The following U2AF2 variants were observed in gnomAD, a reference collection of about 807,000 sequenced individuals.
U2AF2 encodes the protein splicing factor U2AF 65 kDa subunit.
A neutral mutation model predicts 52.6 loss-of-function variants in U2AF2; 6 were observed. The ratio of observed to expected loss-of-function variants is 0.11; its 90% CI spans 0.06 to 0.23. The LOEUF (loss-of-function observed/expected upper bound fraction) is 0.23, where lower values mean the gene tolerates loss of function less well. Among genes scored for constraint, U2AF2 ranks in the 10% least tolerant of loss-of-function variants. U2AF2 has a pLI of 1.00. For missense variants in U2AF2, 222 were observed against 677.1 expected, an observed-to-expected ratio of 0.33 and a Z score of 7.46; for synonymous variants, 284 against 258.2, an observed-to-expected ratio of 1.10 and a Z score of -0.96.
At chr19:55,673,195 A>G (rs986550351) in intron 11 of U2AF2, among the ~76,000 whole-genome samples, 6 of 152,218 alleles carry the variant, frequency 3.9e-5, no homozygotes, top group African/African-American at 1.2e-4. Context: ...CTGGGATTAC[A>G]GGCGTGAGCC....
At chr19:55,661,258 C>T in intron 5 of U2AF2, 69 bp downstream of exon 5, 1 of 1,409,152 alleles carries the variant, frequency 7.1e-7, no homozygotes, top group Middle Eastern at 2.3e-4. Flanking sequence ...TCCCTCCATT[C>T]CCTTTCCCCA....
At chr19:55,673,322 C>T (rs1568556825) in intron 11 of U2AF2, among the ~76,000 whole-genome samples, 1 of 146,410 alleles carries the variant, frequency 6.8e-6, no homozygotes, top group East Asian at 2.0e-4. Context: ...CTCACTCCCT[C>T]TTTTTTTTTT....
intron 11 of U2AF2, among the ~76,000 whole-genome samples, chr19:55,673,416 C>T (rs574808840): frequency 6.6e-5 from 10 of 151,484 alleles, no homozygotes; most frequent in Non-Finnish European, 1.3e-4. Flanking sequence ...TTGTATCCTT[C>T]CCTCCCTCCA....
intron 9 of U2AF2, 60 bp from the exon 10 acceptor site, chr19:55,669,023 C>T (rs1465254524): frequency 1.3e-6 from 2 of 1,574,096 alleles, no homozygotes; most frequent in African/African-American, 1.3e-5. Flanking sequence ...AGGTGTCGGG[C>T]TCCTGGTCCC....
chr19:55,657,036 A>G (rs1038295349), intron 1 of U2AF2, among the ~76,000 whole-genome samples: 6 of 152,198 alleles, frequency 3.9e-5, no homozygotes, highest in Admixed American at 6.5e-5. Flanking sequence ...TGTTGTTCAT[A>G]AGCAGAAAAG....
chr19:55,655,931 C>T (rs750617530), intron 1 of U2AF2, among the ~76,000 whole-genome samples: 2 of 152,102 alleles, frequency 1.3e-5, no homozygotes, highest in Non-Finnish European at 2.9e-5. Flanking sequence ...CATTTACAAT[C>T]CCAATCTCAG....
intron 7 of U2AF2, among the ~76,000 whole-genome samples, chr19:55,666,155 T>C (rs1400072986): frequency 6.6e-6 from 1 of 152,188 alleles, no homozygotes; most frequent in Non-Finnish European, 1.5e-5. Flanking sequence ...AACCCAGTGA[T>C]AGTGGCTGCC....
Position 55,669,802 on chromosome 19 carries a change from C to G in U2AF2, c.1293+110C>G, listed in dbSNP as rs536252658. ...CCCTCTCCCCCTCCTCTTCTCCGCG[C>G]GCTCTTTCTTCCTCTCTCTCTCCTC... On this transcript the variant is annotated intron_variant, in intron 11 of 11. Transcript: ENST00000308924. The G allele has an allele frequency of 4.1e-5, 59 of 1,424,738 alleles. No individual in the cohort carries two copies. In the South Asian group the frequency reaches 8.4e-4, roughly 20 times the overall value. The allele number at this position is 1,424,738 out of a possible 1,614,324, so 88.3% of individuals were successfully genotyped here. A position where few individuals can be genotyped will look rare whatever the true frequency, so the allele number is the denominator to read the frequency against.
At chr19:55,669,807 T>A in intron 11 of U2AF2, 115 bp downstream of exon 11, 6 of 1,396,432 alleles carry the variant, frequency 4.3e-6, no homozygotes, top group Non-Finnish European at 5.7e-6. Context: ...CCGCGCGCTC[T>A]TTCTTCCTCT....
At chr19:55,658,643 C>T (rs1983954770) in intron 1 of U2AF2, among the ~76,000 whole-genome samples, 1 of 152,144 alleles carries the variant, frequency 6.6e-6, no homozygotes, top group Admixed American at 6.5e-5. Context: ...CTCCGAGGCC[C>T]TTCTCTTCCC....
At chr19:55,660,008 G>T (rs573204378) in intron 2 of U2AF2, among the ~76,000 whole-genome samples, 169 bp from the exon 3 acceptor site, 3 of 152,114 alleles carry the variant, frequency 2.0e-5, no homozygotes, top group Admixed American at 6.5e-5. Flanking sequence ...TTTCCTGGGG[G>T]TGGGAGTGTT....
intron 7 of U2AF2, among the ~76,000 whole-genome samples, chr19:55,667,866 A>G (rs1483840867): frequency 1.3e-5 from 2 of 150,434 alleles, no homozygotes; most frequent in African/African-American, 4.9e-5. Flanking sequence ...GCTCACTGCA[A>G]CCTCCGCCTC....
At chr19:55,666,113 T>C (rs548112601) in intron 7 of U2AF2, among the ~76,000 whole-genome samples, 18 of 152,172 alleles carry the variant, frequency 1.2e-4, no homozygotes, top group Non-Finnish European at 1.0e-4. Flanking sequence ...CTGAAGGTGA[T>C]GGGGTGCTCT....
At chr19:55,659,058 C>T (rs952597976) in intron 1 of U2AF2, 152 bp from the exon 2 acceptor site, 2 of 1,255,962 alleles carry the variant, frequency 1.6e-6, no homozygotes. Context: ...CTTGTGGACC[C>T]AGGAGGCCTG....
At chr19:55,657,836 C>T (rs1279196329) in intron 1 of U2AF2, among the ~76,000 whole-genome samples, 1 of 152,154 alleles carries the variant, frequency 6.6e-6, no homozygotes, top group East Asian at 1.9e-4. Flanking sequence ...AGCTGTTTGA[C>T]CTTGGTAATT....
chr19:55,664,938 C>T (rs926072730), intron 7 of U2AF2, among the ~76,000 whole-genome samples: 18 of 151,952 alleles, frequency 1.2e-4, no homozygotes, highest in African/African-American at 9.7e-5. Flanking sequence ...GGTTGGTCTC[C>T]GACGCCTGAC....
At position 55,668,464 on chromosome 19, in the gene U2AF2, A is replaced by C; in HGVS notation, c.743-43A>C. On this transcript the variant is annotated intron_variant, in intron 7 of 11. Transcript: ENST00000308924. The surrounding 1 kb of genome is among the most constrained non-coding windows in gnomAD (Gnocchi z 5.5). ...GTAGACTGTCCAGGTTTTGGGAGAT[A>C]ACCTGGTACTGGAATTGAAGTCCTC... The C allele has an allele frequency of 2.7e-4, 411 of 1,526,264 alleles. No individual in the cohort carries two copies. Among genetic ancestry groups the C allele is most frequent in the Non-Finnish European group, 3.3e-4 (376 of 1,128,996 alleles). The allele number at this position is 1,526,264 out of a possible 1,614,324, so 94.5% of individuals were successfully genotyped here. A position where few individuals can be genotyped will look rare whatever the true frequency, so the allele number is the denominator to read the frequency against.
In U2AF2 at chr19:55,655,171, G is replaced by A. The variant is rs893274653; in HGVS notation, c.49+18G>A. On this transcript the variant is annotated intron_variant, in intron 1 of 11. Transcript: ENST00000308924. Reference sequence around the variant, plus strand: ...TAAACAAGGTGAGGGCACCGGGGTCGCGGGGCGGAGGTGTGGGCGGCTCCT... The same window carrying A: ...TAAACAAGGTGAGGGCACCGGGGTCACGGGGCGGAGGTGTGGGCGGCTCCT... The A allele has an allele frequency of 3.1e-6, 5 of 1,601,102 alleles. No homozygotes were observed. The highest frequency in any genetic ancestry group is 1.7e-4 in the Middle Eastern group (1 of 6,014).
chr19:55,673,822 C>T (rs1002603280), intron 11 of U2AF2, 112 bp from the exon 12 acceptor site: 29 of 1,451,396 alleles, frequency 2.0e-5, no homozygotes, highest in Non-Finnish European at 2.4e-5. Flanking sequence ...ACACCTGTGG[C>T]GAAGCCCCCT....
Sources: allele counts gnomAD v4.1 joint callset (sites outside exome capture counted in the v4.1 genomes callset), GRCh38; gene constraint gnomAD v4.1.1; non-coding constraint Gnocchi (gnomAD v3.1); transcripts MANE v1.5; gene names NCBI Gene and HGNC (gene_info 2026-07-23, HGNC 2026-07-21).